Variants in KCNMA1 observed in about 807,000 individuals in gnomAD.
The protein encoded by KCNMA1 is potassium calcium-activated channel subfamily M alpha 1, also known as Calcium-activated potassium channel subunit alpha-1.
Under a neutral mutation model 140.0 loss-of-function variants are expected in KCNMA1, and 29 were observed. That is an observed-to-expected ratio of 0.21 (90% confidence interval 0.15 to 0.28). The LOEUF is 0.28. KCNMA1 is among the 10% of genes least tolerant of loss of function. The probability of loss-of-function intolerance (pLI) is 1.00; values close to 1 mark genes in which losing one functional copy is unlikely to be tolerated. For missense variants in KCNMA1, 880 were observed against 1,602.2 expected, an observed-to-expected ratio of 0.55 and a Z score of 7.70; for synonymous variants, 612 against 611.9, an observed-to-expected ratio of 1.00 and a Z score of 0.00.
At chr10:77,336,083 C>T (rs1040342553) in intron 2 of KCNMA1, among the ~76,000 whole-genome samples, 2 of 152,152 alleles carry the variant, frequency 1.3e-5, no homozygotes, top group South Asian at 2.1e-4. Flanking sequence ...GTAATGGACA[C>T]AGCAGCAAGG....
chr10:77,195,549 C>T (rs753341925), intron 3 of KCNMA1, among the ~76,000 whole-genome samples: 6 of 152,166 alleles, frequency 3.9e-5, no homozygotes, highest in Non-Finnish European at 7.3e-5. Flanking sequence ...TGTCTCATCT[C>T]CTGGAACATT....
intron 1 of KCNMA1, among the ~76,000 whole-genome samples, chr10:77,544,982 T>A (rs1300579814): frequency 2.0e-5 from 3 of 152,140 alleles, no homozygotes; most frequent in Non-Finnish European, 4.4e-5. Flanking sequence ...ATCTTCTTCC[T>A]CCCCAAGTGA....
chr10:77,243,762 T>C (rs1292689251), intron 3 of KCNMA1, among the ~76,000 whole-genome samples: 2 of 152,184 alleles, frequency 1.3e-5, no homozygotes, highest in East Asian at 1.9e-4. Context: ...TTCAGCCCTG[T>C]GTTACCCTTC....
intron 2 of KCNMA1, among the ~76,000 whole-genome samples, chr10:77,345,681 G>A (rs980578679): frequency 6.6e-6 from 1 of 152,204 alleles, no homozygotes; most frequent in African/African-American, 2.4e-5. Context: ...ATCAGCGTCC[G>A]ACACAGGTCT....
chr10:76,927,550 G>A (rs1473479313), intron 23 of KCNMA1, among the ~76,000 whole-genome samples: 3 of 152,162 alleles, frequency 2.0e-5, no homozygotes, highest in Non-Finnish European at 4.4e-5. Flanking sequence ...CAATGGATAT[G>A]CAGGATAATA....
At position 77,149,319 on chromosome 10, in the gene KCNMA1, A is replaced by G. The variant is rs536511806; in HGVS notation, c.809-28271T>C. 9.8e-5 allele frequency among the ~76,000 whole-genome samples: 15 copies of G among 152,324 alleles called. No individual in the cohort carries two copies. The South Asian group carries it at 3.1e-3, about 32-fold the overall frequency. ...CTTCTAATCAGTCTGGAATAAAGCGATGTCATGGGCATAAACTAATTTCTT... is the reference window on the plus strand; with the variant it reads ...CTTCTAATCAGTCTGGAATAAAGCGGTGTCATGGGCATAAACTAATTTCTT... On this transcript the variant is annotated intron_variant, in intron 5 of 27. Coordinates refer to ENST00000286628, the MANE Select transcript of KCNMA1 (RefSeq NM_001161352.2).
intron 2 of KCNMA1, among the ~76,000 whole-genome samples, chr10:77,280,026 C>A (rs1233933851): frequency 6.6e-6 from 1 of 152,278 alleles, no homozygotes; most frequent in African/African-American, 2.4e-5. Context: ...CAGTACATCC[C>A]CACCATTTGC....
At chr10:77,488,808 C>A (rs1416654169) in intron 1 of KCNMA1, among the ~76,000 whole-genome samples, 1 of 152,242 alleles carries the variant, frequency 6.6e-6, no homozygotes, top group Non-Finnish European at 1.5e-5. Context: ...CAATCAGGGG[C>A]AAAGTTGCCA....
At position 77,560,304 on chromosome 10, in the gene KCNMA1, T is replaced by C. The variant is rs368905983; in HGVS notation, c.378+76961A>G. Among the ~76,000 whole-genome samples, 7 of 152,270 alleles carry C rather than the reference T, an allele frequency of 4.6e-5. No homozygotes were observed. The East Asian group carries it at 1.3e-3, about 29-fold the overall frequency. On this transcript the variant is annotated intron_variant, in intron 1 of 27. Transcript: ENST00000286628. ...TGAAACAACAGCACAGAAAACAGAG[T>C]ACTGCATATTAAAAGGGTTGCTGCA...
chr10:76,944,786 C>T lies in KCNMA1; in HGVS notation c.2889G>A (p.Gln963=). 6.2e-7 allele frequency: 1 copy of T among 1,614,134 alleles called. No individual in the cohort carries two copies. The highest frequency in any genetic ancestry group is 1.1e-5 in the South Asian group (1 of 91,080). Reference sequence around the variant, plus strand: ...GGCTGTCCTTACCTTGGGAATTAGCCTGCAAGACTCCGATGCTGTCATCAA... The same window carrying T: ...GGCTGTCCTTACCTTGGGAATTAGCTTGCAAGACTCCGATGCTGTCATCAA... ...MQFDDSIGVL[Q]ANSQGFTPPG... is the part of the protein sequence containing the mutation. Residue 963 remains glutamine, a synonymous_variant, in exon 23 of 28, where the codon CAG becomes CAA. Transcript: ENST00000286628.
chr10:77,176,549 G>C (rs1018707410), intron 5 of KCNMA1, among the ~76,000 whole-genome samples: 1 of 152,086 alleles, frequency 6.6e-6, no homozygotes, highest in African/African-American at 2.4e-5. Context: ...TCCCTAACAG[G>C]CTGTAAAATA....
At chr10:77,449,695 T>G (rs887535125) in intron 1 of KCNMA1, among the ~76,000 whole-genome samples, 14 of 149,326 alleles carry the variant, frequency 9.4e-5, no homozygotes, top group Admixed American at 8.8e-4. Flanking sequence ...CAGGCTGGAG[T>G]GCAGTGGCGG....
chr10:77,505,777 G>A (rs1030416998), intron 1 of KCNMA1, among the ~76,000 whole-genome samples: 1 of 152,194 alleles, frequency 6.6e-6, no homozygotes, highest in African/African-American at 2.4e-5. Flanking sequence ...TTAATGAGGA[G>A]CCATGAAAGA....
intron 1 of KCNMA1, among the ~76,000 whole-genome samples, chr10:77,570,936 A>AAAC (rs2071023539): frequency 6.6e-6 from 1 of 151,608 alleles, no homozygotes; most frequent in African/African-American, 2.4e-5. Flanking sequence ...GTCTCAAAAA[A>AAAC]AAAAAAATAC....
At chr10:77,626,665 C>T (rs948576870) in intron 1 of KCNMA1, among the ~76,000 whole-genome samples, 5 of 152,188 alleles carry the variant, frequency 3.3e-5, no homozygotes, top group African/African-American at 4.8e-5. Flanking sequence ...CAGAATTCTG[C>T]TCTTGGTTAA....
chr10:77,224,246 A>G (rs2050598566), intron 3 of KCNMA1, among the ~76,000 whole-genome samples: 1 of 152,204 alleles, frequency 6.6e-6, no homozygotes, highest in African/African-American at 2.4e-5. Context: ...ACCTAGGCCC[A>G]TGGCCCATAG....
At chr10:77,204,861 C>T (rs34888467) in intron 3 of KCNMA1, among the ~76,000 whole-genome samples, 18,454 of 152,188 alleles carry the variant, frequency 0.12, 1,394 homozygotes, top group Non-Finnish European at 0.17. Context: ...AAAGACCCCA[C>T]GGGTGACCCC....
intron 20 of KCNMA1, among the ~76,000 whole-genome samples, chr10:76,965,388 A>G (rs1345110323): frequency 1.3e-5 from 2 of 152,026 alleles, no homozygotes; most frequent in African/African-American, 2.4e-5. Context: ...TGGGCCTTCT[A>G]TTTCACACCT....
chr10:77,588,276 C>T (rs143901163), intron 1 of KCNMA1, among the ~76,000 whole-genome samples: 1 of 152,044 alleles, frequency 6.6e-6, no homozygotes, highest in Non-Finnish European at 1.5e-5. Flanking sequence ...CAGAAAGGGG[C>T]AAGGTAGGAA....
Sources: allele counts gnomAD v4.1 joint callset (sites outside exome capture counted in the v4.1 genomes callset), GRCh38; gene constraint gnomAD v4.1.1; transcripts MANE v1.5; gene names NCBI Gene and HGNC (gene_info 2026-07-23, HGNC 2026-07-21).